Variants in SLC30A8 observed in about 807,000 individuals in gnomAD.
SLC30A8 encodes the protein proton-coupled zinc antiporter SLC30A8.
A neutral mutation model predicts 36.9 loss-of-function variants in SLC30A8; 27 were observed. That is an observed-to-expected ratio of 0.73 (90% CI 0.54 to 1.01). SLC30A8 has a LOEUF of 1.01. Among genes scored for constraint, SLC30A8 ranks in the 50% least tolerant of loss-of-function variants. The probability of loss-of-function intolerance (pLI) is 0.00; values close to 1 mark genes in which losing one functional copy is unlikely to be tolerated. For synonymous variants in SLC30A8, 164 were observed against 172.4 expected (o/e 0.95, Z 0.38); for missense variants, 439 against 452.0 (o/e 0.97, Z 0.26).
At position 117,157,862 on chromosome 8, in the gene SLC30A8, C is replaced by G. The variant is rs769119495; in HGVS notation, c.572+18C>G. 1.2e-6 allele frequency: 2 copies of G among 1,612,852 alleles called. No individual in the cohort carries two copies. The highest frequency in any genetic ancestry group is 4.5e-5 in the East Asian group (2 of 44,878). On this transcript the variant is annotated intron_variant, in intron 4 of 7. Coordinates refer to ENST00000456015, the MANE Select transcript of SLC30A8 (RefSeq NM_173851.3). ...AACATTGTGTAAGTCATCCCCTGGT[C>G]CCCACACACTGCTCATGAGGCTCTC...
chr8:116,967,323 A>G (rs1366619234), intron 1 of SLC30A8, among the ~76,000 whole-genome samples: 1 of 152,202 alleles, frequency 6.6e-6, no homozygotes, highest in African/African-American at 2.4e-5. Flanking sequence ...TTGAGGAACA[A>G]CCAAATATCT....
intron 1 of SLC30A8, among the ~76,000 whole-genome samples, chr8:116,992,388 G>A (rs1446740547): frequency 1.3e-5 from 2 of 152,100 alleles, no homozygotes; most frequent in East Asian, 3.9e-4. Context: ...CTGTTTGAAG[G>A]TGACCAGAAG....
intron 1 of SLC30A8, among the ~76,000 whole-genome samples, chr8:117,021,498 T>A (rs1475981582): frequency 1.3e-5 from 2 of 152,196 alleles, no homozygotes; most frequent in African/African-American, 4.8e-5. Flanking sequence ...AAAGAATACC[T>A]AAATATGTAG....
chr8:117,150,801 T>C (rs1159390153), intron 2 of SLC30A8, among the ~76,000 whole-genome samples: 1 of 152,068 alleles, frequency 6.6e-6, no homozygotes, highest in Non-Finnish European at 1.5e-5. Flanking sequence ...GAGACGGGGT[T>C]TCACCGTGTT....
At chr8:117,033,644 A>G (rs1248170841) in intron 1 of SLC30A8, among the ~76,000 whole-genome samples, 1 of 152,234 alleles carries the variant, frequency 6.6e-6, no homozygotes, top group African/African-American at 2.4e-5. Context: ...CCTCAATTAA[A>G]AGAAATAAAG....
chr8:117,073,167 A>G (rs1421380435), intron 2 of SLC30A8, among the ~76,000 whole-genome samples: 1 of 152,150 alleles, frequency 6.6e-6, no homozygotes, highest in Non-Finnish European at 1.5e-5. Flanking sequence ...GCAATTCTAC[A>G]TGCTTGAGTG....
chr8:116,969,654 A>G (rs184059750), intron 1 of SLC30A8, among the ~76,000 whole-genome samples: 13 of 152,320 alleles, frequency 8.5e-5, no homozygotes, highest in East Asian at 3.9e-4. Flanking sequence ...GGTATAGACT[A>G]TCGCTCCTAG....
intron 2 of SLC30A8, among the ~76,000 whole-genome samples, chr8:117,124,490 G>C (rs1792745516): frequency 6.6e-6 from 1 of 151,724 alleles, no homozygotes; most frequent in African/African-American, 2.4e-5. Context: ...GCCACAGCAG[G>C]CAAAATCAGA....
At chr8:117,047,111 A>T (rs913415705) in intron 2 of SLC30A8, among the ~76,000 whole-genome samples, 6 of 152,220 alleles carry the variant, frequency 3.9e-5, no homozygotes, top group Non-Finnish European at 8.8e-5. Flanking sequence ...AATGGAAATT[A>T]GACAGGCTAA....
chr8:117,092,413 A>G (rs1276391660), intron 2 of SLC30A8, among the ~76,000 whole-genome samples: 3 of 144,758 alleles, frequency 2.1e-5, no homozygotes, highest in African/African-American at 7.7e-5. Flanking sequence ...ACATGGAAGG[A>G]AAAAAAAAAA....
intron 2 of SLC30A8, among the ~76,000 whole-genome samples, chr8:117,089,967 A>G (rs1586492406): frequency 6.7e-6 from 1 of 150,266 alleles, no homozygotes; most frequent in Non-Finnish European, 1.5e-5. Flanking sequence ...AACAATCTTG[A>G]TAATTCCTAA....
intron 2 of SLC30A8, among the ~76,000 whole-genome samples, chr8:117,127,574 A>G (rs566085232): frequency 3.4e-4 from 51 of 152,068 alleles, no homozygotes; most frequent in Non-Finnish European, 6.5e-4. Flanking sequence ...AATTTATATG[A>G]CAAAGTAAAT....
intron 2 of SLC30A8, among the ~76,000 whole-genome samples, chr8:117,120,700 C>T (rs577821724): frequency 1.1e-4 from 16 of 151,814 alleles, no homozygotes; most frequent in Non-Finnish European, 1.9e-4. Context: ...TGTTTGCAAA[C>T]CATATATCTG....
chr8:117,037,573 G>T (rs1274062051), intron 1 of SLC30A8, among the ~76,000 whole-genome samples: 1 of 152,074 alleles, frequency 6.6e-6, no homozygotes, highest in Non-Finnish European at 1.5e-5. Context: ...AATTTTTTTT[G>T]AGATAAAATG....
chr8:116,957,989 G>A (rs749536030), intron 1 of SLC30A8, among the ~76,000 whole-genome samples: 10 of 152,148 alleles, frequency 6.6e-5, no homozygotes, highest in African/African-American at 1.2e-4. Context: ...TCTATGCCTC[G>A]TGTCAGGGAA....
chr8:117,098,261 T>A (rs895114279), intron 2 of SLC30A8, among the ~76,000 whole-genome samples: 2 of 151,290 alleles, frequency 1.3e-5, no homozygotes, highest in African/African-American at 4.9e-5. Flanking sequence ...AGGATGAGGG[T>A]TTCTCTGGTT....
chr8:117,164,109 G>C (rs1265888888), intron 6 of SLC30A8: 1 of 152,336 alleles, frequency 6.6e-6, no homozygotes, highest in East Asian at 1.9e-4. Context: ...CTGGGAACAG[G>C]GTGCCACTAG....
chr8:117,045,567 G>A (rs1817524722), intron 2 of SLC30A8, among the ~76,000 whole-genome samples: 1 of 152,142 alleles, frequency 6.6e-6, no homozygotes, highest in African/African-American at 2.4e-5. Flanking sequence ...TAAACAGGCA[G>A]TGTCTGTTAG....
chr8:117,057,234 A>G (rs898434108), intron 2 of SLC30A8, among the ~76,000 whole-genome samples: 3 of 152,174 alleles, frequency 2.0e-5, no homozygotes, highest in Non-Finnish European at 2.9e-5. Context: ...AAAAATACTT[A>G]TTACTTATTT....
Sources: gnomAD v4.1 joint callset for allele counts (sites outside exome capture counted in the v4.1 genomes callset) on GRCh38, gnomAD v4.1.1 for gene constraint, MANE v1.5 for transcripts, NCBI Gene and HGNC (gene_info 2026-07-23, HGNC 2026-07-21) for gene names.